Variants in TMC1 observed in about 807,000 individuals in gnomAD.
TMC1 encodes the protein transmembrane channel like 1.
In TMC1, 84 loss-of-function variants were observed where a neutral mutation model predicts 105.8. The observed-to-expected ratio is 0.79, with a 90% CI of 0.67 to 0.95. TMC1 has a LOEUF of 0.95. Among genes scored for constraint, TMC1 ranks in the 40% least tolerant of loss-of-function variants. The pLI is 0.00. For synonymous variants in TMC1, 315 were observed against 311.5 expected (o/e 1.01, Z -0.12); for missense variants, 817 against 914.1 (o/e 0.89, Z 1.37).
chr9:72,721,893 C>T (rs1489401979), intron 8 of TMC1, among the ~76,000 whole-genome samples: 1 of 152,082 alleles, frequency 6.6e-6, no homozygotes, highest in Non-Finnish European at 1.5e-5. Flanking sequence ...ACCTGTCATC[C>T]CCATGTTCAA....
intron 3 of TMC1, among the ~76,000 whole-genome samples, chr9:72,619,827 TAA>T (rs1491571367): frequency 1.5e-3 from 220 of 150,878 alleles, no homozygotes; most frequent in African/African-American, 3.5e-3. Flanking sequence ...ATTAATTAAT[TAA>T]TTAATTTATT....
intron 2 of TMC1, among the ~76,000 whole-genome samples, chr9:72,584,934 A>C (rs1005996312): frequency 1.3e-5 from 2 of 148,708 alleles, no homozygotes; most frequent in African/African-American, 5.0e-5. Context: ...ACAGGCGTGC[A>C]CTACCACGCC....
chr9:72,646,999 C>T (rs777740012), intron 4 of TMC1, among the ~76,000 whole-genome samples: 7 of 151,462 alleles, frequency 4.6e-5, no homozygotes, highest in East Asian at 3.9e-4. Flanking sequence ...AAAATTAGCC[C>T]GGTGTGGTGG....
chr9:72,621,205 A>G (rs1437989639), intron 3 of TMC1, among the ~76,000 whole-genome samples: 1 of 152,244 alleles, frequency 6.6e-6, no homozygotes, highest in Non-Finnish European at 1.5e-5. Flanking sequence ...TAGCTTGGCC[A>G]TAAAGGGCAT....
Position 72,670,933 on chromosome 9 carries a change from A to G in TMC1, c.17-17776A>G, listed in dbSNP as rs536060555. Among the ~76,000 whole-genome samples, 4 of 152,348 alleles carry G rather than the reference A, an allele frequency of 2.6e-5. No homozygotes were observed. The South Asian group carries it at 8.3e-4, about 32-fold the overall frequency. ...TATCACTTGAAGAGAGACTGTGACT[A>G]AAGACCACTGTAACCTCTTAGGGAA... On this transcript the variant is annotated intron_variant, in intron 5 of 23. Coordinates refer to ENST00000297784, the MANE Select transcript of TMC1 (RefSeq NM_138691.3).
At chr9:72,768,663 G>A (rs1368192946) in intron 12 of TMC1, among the ~76,000 whole-genome samples, 2 of 151,756 alleles carry the variant, frequency 1.3e-5, no homozygotes, top group Non-Finnish European at 2.9e-5. Flanking sequence ...TTGGGCTTTG[G>A]TTATGATCTA....
At chr9:72,673,403 A>G (rs1426658309) in intron 5 of TMC1, among the ~76,000 whole-genome samples, 1 of 152,200 alleles carries the variant, frequency 6.6e-6, no homozygotes, top group Non-Finnish European at 1.5e-5. Context: ...ACAAAATTTA[A>G]TAACACCCAA....
At chr9:72,629,573 C>T (rs189482308) in intron 4 of TMC1, among the ~76,000 whole-genome samples, 5 of 152,060 alleles carry the variant, frequency 3.3e-5, no homozygotes, top group South Asian at 2.1e-4. Flanking sequence ...CAAAGGCCAC[C>T]GTTTCTGTGT....
At chr9:72,740,297 C>T (rs1827366594) in intron 9 of TMC1, 88 bp downstream of exon 9, 2 of 1,136,238 alleles carry the variant, frequency 1.8e-6, no homozygotes, top group African/African-American at 1.5e-5. Flanking sequence ...AAAAATCTTA[C>T]ATTTTGTATA....
chr9:72,821,220 G>C, intron 20 of TMC1, 139 bp downstream of exon 20: 1 of 1,324,292 alleles, frequency 7.6e-7, no homozygotes, highest in Non-Finnish European at 1.1e-6. Flanking sequence ...CCGGCTGGGC[G>C]CAGTGGCTCA....
At chr9:72,620,406 C>G (rs1202051017) in intron 3 of TMC1, among the ~76,000 whole-genome samples, 2 of 150,310 alleles carry the variant, frequency 1.3e-5, no homozygotes, top group Non-Finnish European at 3.0e-5. Flanking sequence ...CCATGCCTGG[C>G]TAATTAAAAA....
intron 4 of TMC1, among the ~76,000 whole-genome samples, chr9:72,639,068 A>T (rs1014043573): frequency 2.3e-4 from 35 of 152,074 alleles, no homozygotes; most frequent in South Asian, 8.3e-4. Flanking sequence ...TGTTTTTTTT[A>T]AAAAACGTAA....
intron 12 of TMC1, among the ~76,000 whole-genome samples, chr9:72,757,428 A>G (rs1183659338): frequency 6.6e-6 from 1 of 152,242 alleles, no homozygotes; most frequent in Non-Finnish European, 1.5e-5. Flanking sequence ...CAGATAGCTC[A>G]GAGTATGTAG....
intron 13 of TMC1, among the ~76,000 whole-genome samples, chr9:72,784,620 C>G: frequency 6.6e-6 from 1 of 152,234 alleles, no homozygotes; most frequent in East Asian, 1.9e-4. Flanking sequence ...AATCATTGTA[C>G]TATAAAGACA....
At chr9:72,624,503 T>A (rs1305965431) in intron 3 of TMC1, among the ~76,000 whole-genome samples, 1 of 152,228 alleles carries the variant, frequency 6.6e-6, no homozygotes, top group African/African-American at 2.4e-5. Flanking sequence ...TACTTAAGGA[T>A]CTGGTCTTTT....
chr9:72,744,051 C>CT (rs1827444865), intron 10 of TMC1, among the ~76,000 whole-genome samples: 1 of 152,158 alleles, frequency 6.6e-6, no homozygotes, highest in African/African-American at 2.4e-5. Flanking sequence ...GGATAGCTTG[C>CT]TGACATGATT....
intron 9 of TMC1, 93 bp from the exon 10 acceptor site, chr9:72,742,351 A>G: frequency 1.0e-6 from 1 of 966,814 alleles, no homozygotes; most frequent in Non-Finnish European, 1.6e-6. Context: ...GACATTTCCA[A>G]GCTTACTGCA....
At chr9:72,543,959 T>TA in intron 1 of TMC1, among the ~76,000 whole-genome samples, 1 of 140,766 alleles carries the variant, frequency 7.1e-6, no homozygotes, top group African/African-American at 2.7e-5. Flanking sequence ...TTTCTTTTTT[T>TA]TTTTTTTTTT....
chr9:72,811,182 A>G (rs1038133133), intron 18 of TMC1, among the ~76,000 whole-genome samples: 2 of 152,164 alleles, frequency 1.3e-5, no homozygotes, highest in Non-Finnish European at 2.9e-5. Flanking sequence ...CGAAAATGTT[A>G]TGTTAAATGT....
Sources: gnomAD v4.1 joint callset for allele counts (sites outside exome capture counted in the v4.1 genomes callset) on GRCh38, gnomAD v4.1.1 for gene constraint, MANE v1.5 for transcripts, NCBI Gene and HGNC (gene_info 2026-07-23, HGNC 2026-07-21) for gene names.